SOX5: variants seen among roughly 807,000 people sequenced by gnomAD.
SOX5 encodes the protein SRY-box transcription factor 5.
Under a neutral mutation model 92.0 loss-of-function variants are expected in SOX5, and 9 were observed. The ratio of observed to expected loss-of-function variants is 0.10; its 90% CI spans 0.06 to 0.17. The LOEUF (loss-of-function observed/expected upper bound fraction) is 0.17, where lower values mean the gene tolerates loss of function less well. SOX5 is among the 10% of genes least tolerant of loss of function. The pLI is 1.00. For synonymous variants in SOX5, 344 were observed against 336.3 expected (o/e 1.02, Z -0.25); for missense variants, 642 against 944.5 (o/e 0.68, Z 4.20).
intron 3 of SOX5, among the ~76,000 whole-genome samples, chr12:24,235,529 A>G (rs1964292858): frequency 6.6e-6 from 1 of 152,216 alleles, no homozygotes; most frequent in Admixed American, 6.5e-5. Flanking sequence ...GACTAATAAC[A>G]TCTTGAAAAA....
At chr12:24,135,805 G>A (rs572881845) in intron 4 of SOX5, among the ~76,000 whole-genome samples, 1 of 152,196 alleles carries the variant, frequency 6.6e-6, no homozygotes, top group South Asian at 2.1e-4. Context: ...GGAGGGGGAG[G>A]TGGAAATCAA....
chr12:23,847,853 A>G (rs1401894779), intron 2 of SOX5, among the ~76,000 whole-genome samples: 2 of 152,148 alleles, frequency 1.3e-5, no homozygotes, highest in African/African-American at 4.8e-5. Flanking sequence ...AAATGTAACA[A>G]TTACAAACTC....
chr12:23,584,271 G>T (rs1345289875), intron 9 of SOX5, among the ~76,000 whole-genome samples: 1 of 152,032 alleles, frequency 6.6e-6, no homozygotes, highest in East Asian at 1.9e-4. Context: ...AAATATTAAT[G>T]AAACACTGAT....
At chr12:24,144,028 C>T (rs1487739617) in intron 4 of SOX5, among the ~76,000 whole-genome samples, 2 of 151,796 alleles carry the variant, frequency 1.3e-5, no homozygotes, top group South Asian at 2.1e-4. Context: ...TAGCAAGTCA[C>T]CTCAAAATCA....
chr12:24,044,302 A>G (rs1189664271), intron 4 of SOX5, among the ~76,000 whole-genome samples: 3 of 152,136 alleles, frequency 2.0e-5, no homozygotes, highest in African/African-American at 4.8e-5. Context: ...ACACTGTTGC[A>G]TTTAATAGGT....
chr12:24,011,708 G>A (rs924205202), intron 4 of SOX5, among the ~76,000 whole-genome samples: 16 of 152,160 alleles, frequency 1.1e-4, no homozygotes, highest in Admixed American at 3.3e-4. Context: ...GGTTAACGGC[G>A]ACCATTCTAA....
intron 1 of SOX5, among the ~76,000 whole-genome samples, chr12:23,935,512 A>T (rs1942344140): frequency 6.6e-6 from 1 of 151,252 alleles, no homozygotes; most frequent in Non-Finnish European, 1.5e-5. Context: ...AGGACTTGAG[A>T]AATGGATATT....
At chr12:24,536,837 AT>A (rs1951682316) in intron 1 of SOX5, among the ~76,000 whole-genome samples, 1 of 152,242 alleles carries the variant, frequency 6.6e-6, no homozygotes, top group Admixed American at 6.5e-5. Context: ...AAGGATTCAA[AT>A]CAAAGGCAAC....
chr12:24,473,199 T>C (rs1252399885), intron 1 of SOX5, among the ~76,000 whole-genome samples: 1 of 152,148 alleles, frequency 6.6e-6, no homozygotes, highest in Non-Finnish European at 1.5e-5. Flanking sequence ...ACTCATAAGC[T>C]TGAAGCTGAA....
At chr12:24,248,050 G>C (rs936439044) in intron 3 of SOX5, among the ~76,000 whole-genome samples, 2 of 152,184 alleles carry the variant, frequency 1.3e-5, no homozygotes, top group African/African-American at 4.8e-5. Context: ...TCTGGGTGGA[G>C]CCTTTGCGGA....
intron 4 of SOX5, among the ~76,000 whole-genome samples, chr12:24,159,572 T>C (rs1341904113): frequency 2.0e-5 from 3 of 151,990 alleles, no homozygotes; most frequent in Non-Finnish European, 4.4e-5. Context: ...CAATTAGGCA[T>C]AGAAATGACT....
intron 1 of SOX5, among the ~76,000 whole-genome samples, chr12:24,447,618 A>AT (rs1941677695): frequency 6.6e-6 from 1 of 152,232 alleles, no homozygotes; most frequent in Non-Finnish European, 1.5e-5. Context: ...CAAACAAACT[A>AT]TAACAACATA....
At chr12:23,621,428 C>A (rs369910534) in intron 8 of SOX5, among the ~76,000 whole-genome samples, 3 of 151,938 alleles carry the variant, frequency 2.0e-5, no homozygotes, top group African/African-American at 7.3e-5. Flanking sequence ...TACACTTAAA[C>A]GTGGTTAAAA....
At chr12:23,703,198 C>G (rs2090913125) in intron 6 of SOX5, among the ~76,000 whole-genome samples, 1 of 151,946 alleles carries the variant, frequency 6.6e-6, no homozygotes, top group Non-Finnish European at 1.5e-5. Flanking sequence ...TGAAAAACTC[C>G]AAGGTAAAGT....
Position 24,320,875 on chromosome 12 carries a change from AAT to A in SOX5, c.-173-43565_-173-43564del, listed in dbSNP as rs1472867231. On this transcript the variant is annotated intron_variant, in intron 2 of 4. Coordinates refer to the SOX5 transcript ENST00000446891. ...GCAAGACTCTGTCTCAAAAAAAAAT[AAT>A]AATAATAATAATAATAATAATATAC... 4.8e-4 allele frequency among the ~76,000 whole-genome samples: 36 copies of A among 75,116 alleles called. 2 individuals are homozygous for A. Among genetic ancestry groups the A allele is most frequent in the Non-Finnish European group, 8.3e-4 (25 of 30,210 alleles). The allele number at this position is 75,116 out of a possible 152,430, so 49.3% of individuals were successfully genotyped here.
At chr12:23,561,975 T>G (rs1946291511) in intron 11 of SOX5, among the ~76,000 whole-genome samples, 1 of 152,198 alleles carries the variant, frequency 6.6e-6, no homozygotes, top group Non-Finnish European at 1.5e-5. Context: ...TTAAACTCAT[T>G]TCTACGTGGG....
chr12:24,236,995 C>T (rs140544713), intron 3 of SOX5, among the ~76,000 whole-genome samples: 3 of 152,114 alleles, frequency 2.0e-5, no homozygotes, highest in Non-Finnish European at 4.4e-5. Context: ...GATCAAGAAA[C>T]TTTGCCACGG....
intron 4 of SOX5, among the ~76,000 whole-genome samples, chr12:24,095,145 A>AGAGAGAGT (rs1945229096): frequency 1.3e-5 from 2 of 151,118 alleles, no homozygotes; most frequent in East Asian, 3.9e-4. Context: ...AGAGAGAGAG[A>AGAGAGAGT]GAGAGAGAGA....
intron 1 of SOX5, among the ~76,000 whole-genome samples, chr12:24,392,765 A>G (rs576391503): frequency 1.3e-4 from 20 of 152,332 alleles, no homozygotes; most frequent in African/African-American, 4.1e-4. Flanking sequence ...TAATGGACAC[A>G]TAGTAAACAC....
Sources: gnomAD v4.1 joint callset for allele counts (sites outside exome capture counted in the v4.1 genomes callset) on GRCh38, gnomAD v4.1.1 for gene constraint, MANE v1.5 for transcripts, NCBI Gene and HGNC (gene_info 2026-07-23, HGNC 2026-07-21) for gene names.